The following MIER2 variants were observed in gnomAD, a reference collection of about 807,000 sequenced individuals.
The protein encoded by MIER2 is MIER family member 2.
MIER2 carries 30 observed loss-of-function variants against 67.6 expected under a neutral mutation model. The ratio of observed to expected loss-of-function variants is 0.44; its 90% confidence interval spans 0.33 to 0.60. MIER2 has a LOEUF of 0.60. Ranked by LOEUF, MIER2 falls within the 20% of genes least tolerant of loss-of-function variation. The pLI, the probability that MIER2 is intolerant of heterozygous loss-of-function variation, is 0.02. For missense variants in MIER2, 702 were observed against 745.1 expected (o/e 0.94, Z 0.67); for synonymous variants, 372 against 312.6 (o/e 1.19, Z -2.00).
rs1970657679 is a variant in MIER2, at chr19:306,548, C to G, written c.*142G>C. 6 of 1,137,996 alleles carry G rather than the reference C, an allele frequency of 5.3e-6. No individual in the cohort carries two copies. Among genetic ancestry groups the G allele is most frequent in the East Asian group, 2.6e-5 (1 of 38,986 alleles). 70.5% of individuals were successfully genotyped at this position (1,137,996 alleles called of 1,614,324 possible). On this transcript the variant is annotated 3_prime_UTR_variant, in exon 14 of 14. Coordinates refer to ENST00000264819, the MANE Select transcript of MIER2 (RefSeq NM_017550.3). ...GGCTCACGGCCCAGCCACCTCACCC[C>G]AGTCCTGACGTGTTCTGAAGCAGAA...
At chr19:337,214 G>C (rs1188204043) in intron 1 of MIER2, among the ~76,000 whole-genome samples, 1 of 152,086 alleles carries the variant, frequency 6.6e-6, no homozygotes, top group Non-Finnish European at 1.5e-5. Context: ...AACACATAAA[G>C]ATGATTATAA....
intron 1 of MIER2, among the ~76,000 whole-genome samples, chr19:336,975 T>A (rs1308947379): frequency 6.6e-6 from 1 of 152,068 alleles, no homozygotes; most frequent in Non-Finnish European, 1.5e-5. Flanking sequence ...CCCGAGTAGC[T>A]AGGACTACAG....
intron 10 of MIER2, among the ~76,000 whole-genome samples, chr19:311,369 A>C (rs573301109): frequency 6.7e-4 from 102 of 152,212 alleles, no homozygotes; most frequent in Middle Eastern, 3.2e-3. Context: ...GGTCTAAGGA[A>C]GGGCAGAAGG....
rs764857062 is a variant in MIER2, at chr19:326,588, C to T, written c.504G>A (p.Leu168=). 2 of 1,614,082 alleles carry T rather than the reference C, an allele frequency of 1.2e-6. No individual in the cohort carries two copies. Among genetic ancestry groups the T allele is most frequent in the East Asian group, 2.2e-5 (1 of 44,876 alleles). Residue 168 remains leucine, a synonymous_variant, in exon 6 of 14, where the codon CTG becomes CTA. Coordinates refer to ENST00000264819, the MANE Select transcript of MIER2 (RefSeq NM_017550.3). ...AGCCAGGCTCTCTGTCTTCATCAGCCAGGAAACGAGCTTTGGGAAAACAGA... is the reference window on the plus strand; with the variant it reads ...AGCCAGGCTCTCTGTCTTCATCAGCTAGGAAACGAGCTTTGGGAAAACAGA... ...LFPNRSGSRF[L]ADEDREPGSS...
At chr19:343,860 C>G (rs1374840592) in intron 1 of MIER2, 1 of 985,334 alleles carries the variant, frequency 1.0e-6, no homozygotes, top group Non-Finnish European at 1.2e-6. Context: ...AGCAAGTCCA[C>G]ACAGGCTCAT....
chr19:327,116 G>A lies in MIER2; in HGVS notation c.493+17C>T. Reference sequence around the variant, plus strand: ...GGGGGCCTGGCTGCGGTGGAGTATGGGGACAGAGTCACCTACATCCACTCC... The same window carrying A: ...GGGGGCCTGGCTGCGGTGGAGTATGAGGACAGAGTCACCTACATCCACTCC... On this transcript the variant is annotated intron_variant, in intron 5 of 13. Coordinates refer to ENST00000264819, the MANE Select transcript of MIER2 (RefSeq NM_017550.3). The A allele has an allele frequency of 6.4e-7, 1 of 1,572,222 alleles. No individual in the cohort carries two copies. The highest frequency in any genetic ancestry group is 8.6e-7 in the Non-Finnish European group (1 of 1,167,074).
At chr19:338,280 C>T (rs1972356601) in intron 1 of MIER2, among the ~76,000 whole-genome samples, 1 of 151,238 alleles carries the variant, frequency 6.6e-6, no homozygotes, top group Non-Finnish European at 1.5e-5. Flanking sequence ...ACAGTGAGTT[C>T]AGCAAGGTTG....
chr19:317,564 A>AAAT, intron 7 of MIER2, among the ~76,000 whole-genome samples: 3 of 143,952 alleles, frequency 2.1e-5, no homozygotes, highest in East Asian at 2.1e-4. Flanking sequence ...ATAAATAAAT[A>AAAT]AAATAAAAAT....
At chr19:324,356 ACAC>A (rs1242973341) in intron 7 of MIER2, among the ~76,000 whole-genome samples, 4 of 142,398 alleles carry the variant, frequency 2.8e-5, no homozygotes, top group Admixed American at 7.1e-5. Context: ...ACAATGCAAT[ACAC>A]AGGACACACA....
At chr19:317,450 C>A (rs1275696185) in intron 7 of MIER2, among the ~76,000 whole-genome samples, 1 of 151,858 alleles carries the variant, frequency 6.6e-6, no homozygotes, top group Non-Finnish European at 1.5e-5. Context: ...TGGCGTGAAC[C>A]CGGGAGGCGG....
chr19:308,923 C>T lies in MIER2; in HGVS notation c.987G>A (p.Val329=). The T allele has an allele frequency of 1.2e-6, 2 of 1,600,996 alleles. No individual in the cohort carries two copies. The highest frequency in any genetic ancestry group is 2.3e-5 in the East Asian group (1 of 44,408). The part of the protein sequence containing the change: ...KNFHLIQANK[V]RTRSVGECVE... ...CACACTCGCCCACTGACCGTGTGCG[C>T]ACCTGCGGGGAGGGGTCAGGAGCCA... Residue 329 remains valine (V), a splice_region_variant and synonymous_variant, in exon 11 of 14, where the codon GTG becomes GTA. Transcript: ENST00000264819. The surrounding 1 kb of genome is among the most constrained non-coding windows in gnomAD (Gnocchi z 9.1).
At chr19:311,771 C>CT (rs1310371132) in intron 10 of MIER2, 74 bp downstream of exon 10, 25 of 1,438,916 alleles carry the variant, frequency 1.7e-5, no homozygotes, top group Non-Finnish European at 2.3e-5. Flanking sequence ...CGGCCGTGTG[C>CT]TGTGTGCCTG....
At chr19:343,224 G>A (rs147878597) in intron 1 of MIER2, among the ~76,000 whole-genome samples, 33 of 152,346 alleles carry the variant, frequency 2.2e-4, no homozygotes, top group Non-Finnish European at 4.6e-4. Flanking sequence ...ACAGCCACAT[G>A]GCAGCTCTGG....
At chr19:340,490 G>A (rs998462194) in intron 1 of MIER2, 2 of 152,248 alleles carry the variant, frequency 1.3e-5, no homozygotes, top group Admixed American at 1.3e-4. Flanking sequence ...TAAGAAAATT[G>A]TAAGAAAGAG....
At chr19:313,978 GA>G (rs1171372172) in intron 7 of MIER2, among the ~76,000 whole-genome samples, 2 of 152,184 alleles carry the variant, frequency 1.3e-5, no homozygotes, top group African/African-American at 4.8e-5. Flanking sequence ...TGGGGCAGGG[GA>G]ATTCTAAGCA....
At chr19:327,090 A>T in intron 5 of MIER2, 43 bp downstream of exon 5, 2 of 1,554,922 alleles carry the variant, frequency 1.3e-6, no homozygotes, top group Non-Finnish European at 1.7e-6. Flanking sequence ...ACTGCCTGGC[A>T]GGGGGCCTGG....
intron 8 of MIER2, among the ~76,000 whole-genome samples, 190 bp downstream of exon 8, chr19:313,302 T>G (rs72984430): frequency 6.6e-6 from 1 of 152,018 alleles, no homozygotes; most frequent in African/African-American, 2.4e-5. Flanking sequence ...CGTCTACACC[T>G]CCTCCCTGAT....
intron 3 of MIER2, among the ~76,000 whole-genome samples, chr19:330,681 G>T (rs567457497): frequency 6.6e-6 from 1 of 152,252 alleles, no homozygotes; most frequent in African/African-American, 2.4e-5. Context: ...GTTCAAGGAG[G>T]CCGTGAGGGT....
In MIER2 at chr19:308,723, G is replaced by A. The variant is rs998919790; in HGVS notation, c.1110-58C>T. ...ACAGGACAGACGCCCCCACCCAAGA[G>A]GTGCCGCCCAGGCGCCCACGTGCCC... On this transcript the variant is annotated intron_variant, in intron 11 of 13. Transcript: ENST00000264819. The surrounding 1 kb of genome is among the most constrained non-coding windows in gnomAD (Gnocchi z 9.1). The A allele has an allele frequency of 2.0e-5, 32 of 1,593,480 alleles. No homozygotes were observed. The African/African-American group carries it at 3.9e-4, about 19-fold the overall frequency.
Sources: allele counts gnomAD v4.1 joint callset (sites outside exome capture counted in the v4.1 genomes callset), GRCh38; gene constraint gnomAD v4.1.1; non-coding constraint Gnocchi (gnomAD v3.1); transcripts MANE v1.5; gene names NCBI Gene and HGNC (gene_info 2026-07-23, HGNC 2026-07-21).